The following CDH8 variants were observed in gnomAD, a reference collection of about 807,000 sequenced individuals.
The protein encoded by CDH8 is cadherin 8.
Under a neutral mutation model 68.1 loss-of-function variants are expected in CDH8, and 17 were observed. The ratio of observed to expected loss-of-function variants is 0.25; its 90% CI spans 0.17 to 0.37. The LOEUF (loss-of-function observed/expected upper bound fraction) is 0.37, where lower values mean the gene tolerates loss of function less well. Among genes scored for constraint, CDH8 ranks in the 10% least tolerant of loss-of-function variants. The probability of loss-of-function intolerance (pLI) is 1.00; values close to 1 mark genes in which losing one functional copy is unlikely to be tolerated. For missense variants in CDH8, 763 were observed against 999.3 expected (o/e 0.76, Z 3.19); for synonymous variants, 372 against 365.1 (o/e 1.02, Z -0.21).
chr16:61,672,757 A>G (rs1963823419), intron 10 of CDH8, among the ~76,000 whole-genome samples: 1 of 152,062 alleles, frequency 6.6e-6, no homozygotes, highest in African/African-American at 2.4e-5. Context: ...CTAAAAATAT[A>G]TATGTTAAGA....
At position 61,654,054 on chromosome 16, in the gene CDH8, A is replaced by T. The variant is rs762614551; in HGVS notation, c.1954T>A (p.Leu652Ile). Residue 652 changes from leucine (L) to isoleucine (I), a missense_variant, in exon 12 of 12, where the codon TTA (leucine) becomes ATA (isoleucine). Coordinates refer to ENST00000577390, the MANE Select transcript of CDH8 (RefSeq NM_001796.5). ...VTLRRHKNEP[L>I]IIKDDEDVRE... is the part of the protein sequence containing the mutation. ...ACGTCTTCATCATCTTTGATAATTA[A>T]TGGTTCATTTTTATGCCGCCGTAGA... is the stretch of plus-strand genomic sequence containing the variant. The T allele has an allele frequency of 1.9e-6, 3 of 1,613,930 alleles. No homozygotes were observed. The Admixed American group carries it at 5.0e-5, about 27-fold the overall frequency.
At chr16:61,885,363 C>T (rs139485761) in intron 3 of CDH8, among the ~76,000 whole-genome samples, 1,954 of 152,128 alleles carry the variant, frequency 0.013, 17 homozygotes, top group Middle Eastern at 0.024. Context: ...AATATGTACG[C>T]GGAACAAAAA....
chr16:61,981,413 C>A (rs1567555020), intron 2 of CDH8, among the ~76,000 whole-genome samples: 1 of 152,086 alleles, frequency 6.6e-6, no homozygotes, highest in African/African-American at 2.4e-5. Flanking sequence ...CTTAGTTCCA[C>A]GGGCTTCTAT....
Position 61,652,676 on chromosome 16 carries a change from A to G in CDH8, c.*932T>C. 1 of 1,184,736 alleles carries G rather than the reference A, an allele frequency of 8.4e-7. No homozygotes were observed. The highest frequency in any genetic ancestry group is 3.5e-5 in the South Asian group (1 of 28,902). 73.4% of individuals were successfully genotyped at this position (1,184,736 alleles called of 1,614,324 possible). The stretch of plus-strand genomic sequence containing the variant: ...AATCTAAAGGATTATTAATGGATAT[A>G]ATTTAGTTTTTTCCCATATATCCCC... On this transcript the variant is annotated 3_prime_UTR_variant, in exon 12 of 12. Coordinates refer to ENST00000577390, the MANE Select transcript of CDH8 (RefSeq NM_001796.5).
At chr16:61,793,470 T>G (rs2142995078) in intron 7 of CDH8, among the ~76,000 whole-genome samples, 1 of 152,118 alleles carries the variant, frequency 6.6e-6, no homozygotes, top group South Asian at 2.1e-4. Context: ...TGTCTCATCA[T>G]TTAGTTCCCT....
chr16:61,827,954 G>A (rs1240885371), intron 4 of CDH8, among the ~76,000 whole-genome samples: 1 of 151,772 alleles, frequency 6.6e-6, no homozygotes, highest in Non-Finnish European at 1.5e-5. Context: ...TTGTGAAACT[G>A]GAACAACTCC....
chr16:61,801,686 A>C (rs928908076), intron 7 of CDH8, among the ~76,000 whole-genome samples: 1 of 152,168 alleles, frequency 6.6e-6, no homozygotes, highest in African/African-American at 2.4e-5. Flanking sequence ...TCCCTTTCCG[A>C]GTCAAAGAAA....
chr16:61,659,860 A>G (rs909422751), intron 10 of CDH8, among the ~76,000 whole-genome samples: 3 of 152,176 alleles, frequency 2.0e-5, no homozygotes, highest in Non-Finnish European at 4.4e-5. Context: ...CTGACCTAGG[A>G]AACTATTCTT....
intron 10 of CDH8, among the ~76,000 whole-genome samples, chr16:61,674,129 C>A (rs1567414843): frequency 6.6e-6 from 1 of 152,086 alleles, no homozygotes; most frequent in East Asian, 1.9e-4. Context: ...AAGAAAGATA[C>A]ACCATAAAAG....
chr16:61,715,577 G>T (rs1423835227), intron 9 of CDH8, among the ~76,000 whole-genome samples: 1 of 151,308 alleles, frequency 6.6e-6, no homozygotes, highest in African/African-American at 2.4e-5. Context: ...ATTTATTAGG[G>T]CCATTGCTAT....
rs2142728276 is a variant in CDH8 at position 61,649,585 on chromosome 16, C to T, written c.*4023G>A. ...AGGATTTCAGTCATGCTCAGCCTTT[C>T]CGACAGTGCCAGTGATGGGATTTTT... On this transcript the variant is annotated 3_prime_UTR_variant, in exon 12 of 12. Transcript: ENST00000577390. 1 of 152,052 alleles carries T rather than the reference C, an allele frequency of 6.6e-6. No individual in the cohort carries two copies. The highest frequency in any genetic ancestry group is 1.9e-4 in the East Asian group (1 of 5,146). 9.4% of individuals were successfully genotyped at this position (152,052 alleles called of 1,614,324 possible).
chr16:61,662,510 T>C (rs1333821259), intron 10 of CDH8, among the ~76,000 whole-genome samples: 1 of 151,642 alleles, frequency 6.6e-6, no homozygotes, highest in Non-Finnish European at 1.5e-5. Context: ...TCTCTTGAAG[T>C]TGAGGGTAAA....
chr16:61,700,787 C>A (rs898954002), intron 10 of CDH8, among the ~76,000 whole-genome samples: 1 of 152,068 alleles, frequency 6.6e-6, no homozygotes, highest in Admixed American at 6.6e-5. Context: ...TAGAAAAGTA[C>A]ACCTAGATAG....
chr16:61,905,867 C>G (rs747933337), intron 2 of CDH8, among the ~76,000 whole-genome samples: 3 of 151,632 alleles, frequency 2.0e-5, no homozygotes, highest in Admixed American at 1.3e-4. Flanking sequence ...TCCACTCCAG[C>G]CTGGGCGACA....
intron 4 of CDH8, among the ~76,000 whole-genome samples, chr16:61,836,397 A>G (rs1163861835): frequency 6.6e-6 from 1 of 152,044 alleles, no homozygotes; most frequent in Non-Finnish European, 1.5e-5. Context: ...AATATTTTTA[A>G]AAGATGACTA....
intron 3 of CDH8, among the ~76,000 whole-genome samples, chr16:61,875,242 T>A (rs531586382): frequency 1.3e-4 from 20 of 152,144 alleles, no homozygotes; most frequent in South Asian, 8.3e-4. Flanking sequence ...CAGAAGGTTG[T>A]ATCATGGCTC....
chr16:61,756,367 A>G (rs1357809684), intron 8 of CDH8, among the ~76,000 whole-genome samples: 2 of 152,166 alleles, frequency 1.3e-5, no homozygotes, highest in African/African-American at 4.8e-5. Flanking sequence ...ATTGAAAACC[A>G]TTTCAAGAAA....
chr16:61,936,108 T>A (rs1964623105), intron 2 of CDH8, among the ~76,000 whole-genome samples: 1 of 152,172 alleles, frequency 6.6e-6, no homozygotes, highest in African/African-American at 2.4e-5. Flanking sequence ...CTTATAAATG[T>A]AAGAATTCAA....
chr16:61,741,560 A>T (rs1047922222), intron 8 of CDH8, among the ~76,000 whole-genome samples: 8 of 152,112 alleles, frequency 5.3e-5, no homozygotes, highest in African/African-American at 1.9e-4. Flanking sequence ...GACGGTTGGA[A>T]GCACAAGTCA....
Sources: gnomAD v4.1 joint callset for allele counts (sites outside exome capture counted in the v4.1 genomes callset) on GRCh38, gnomAD v4.1.1 for gene constraint, MANE v1.5 for transcripts, NCBI Gene and HGNC (gene_info 2026-07-23, HGNC 2026-07-21) for gene names.